Variants in MYO16 observed in about 807,000 individuals in gnomAD.
MYO16 encodes unconventional myosin-XVI.
Under a neutral mutation model 205.3 loss-of-function variants are expected in MYO16, and 94 were observed. The observed-to-expected ratio is 0.46, with a 90% CI of 0.39 to 0.54. The LOEUF (loss-of-function observed/expected upper bound fraction) is 0.54, where lower values mean the gene tolerates loss of function less well. MYO16 is among the 20% of genes least tolerant of loss of function. The pLI, the probability that MYO16 is intolerant of heterozygous loss-of-function variation, is 0.00. For synonymous variants in MYO16, 988 were observed against 954.0 expected, an observed-to-expected ratio of 1.04 and a Z score of -0.66; for missense variants, 2,315 against 2,387.5, an observed-to-expected ratio of 0.97 and a Z score of 0.63.
chr13:109,028,601 T>C (rs61970230), intron 23 of MYO16, among the ~76,000 whole-genome samples: 8,304 of 151,590 alleles, frequency 0.055, 265 homozygotes, highest in Non-Finnish European at 0.064. Context: ...CTCTACAATT[T>C]ATATACATAT....
chr13:108,958,178 ATATAT>A (rs1251542022), intron 17 of MYO16, among the ~76,000 whole-genome samples: 5 of 147,744 alleles, frequency 3.4e-5, no homozygotes, highest in Non-Finnish European at 7.5e-5. Context: ...AATATTTAAA[ATATAT>A]TTTAATCATA....
At chr13:108,866,296 C>A in intron 12 of MYO16, 54 bp downstream of exon 12, 1 of 1,129,892 alleles carries the variant, frequency 8.9e-7, no homozygotes, top group South Asian at 1.9e-5. Context: ...ACTTTCTAGT[C>A]ATACATGTTT....
intron 33 of MYO16, among the ~76,000 whole-genome samples, chr13:109,178,604 CTTTT>C (rs953977525): frequency 4.6e-5 from 7 of 152,130 alleles, no homozygotes; most frequent in African/African-American, 1.7e-4. Context: ...TCTTATTTCT[CTTTT>C]TGTCTATTCA....
At position 108,677,312 on chromosome 13, in the gene MYO16, C is replaced by A. The variant is rs1378004206; in HGVS notation, c.292+11163C>A. 8.1e-5 allele frequency among the ~76,000 whole-genome samples: 11 copies of A among 135,136 alleles called. No individual in the cohort carries two copies. In the Admixed American group the frequency reaches 8.2e-4, roughly 10 times the overall value. 88.7% of individuals were successfully genotyped at this position (135,136 alleles called of 152,430 possible). On this transcript the variant is annotated intron_variant, in intron 2 of 34. Coordinates refer to ENST00000457511, the MANE Select transcript of MYO16 (RefSeq NM_001198950.3). ...AACTAGAACCCATAAGGTGCACATG[C>A]ATGTGTGTGTGTGTGTGTGTGTGTA...
At chr13:108,502,267 G>GA in the MYO16 span, among the ~76,000 whole-genome samples, 17 of 151,938 alleles carry the variant, frequency 1.1e-4, no homozygotes, top group Non-Finnish European at 2.2e-4. Flanking sequence ...TGAATTTTAA[G>GA]AAAAAAATGA....
chr13:108,744,747 C>T (rs1181935943), intron 4 of MYO16, among the ~76,000 whole-genome samples: 1 of 152,186 alleles, frequency 6.6e-6, no homozygotes, highest in African/African-American at 2.4e-5. Context: ...GCAAATGTCC[C>T]ATTTTTTACC....
chr13:108,900,571 G>A (rs1880658700), intron 15 of MYO16, among the ~76,000 whole-genome samples: 1 of 152,176 alleles, frequency 6.6e-6, no homozygotes. Flanking sequence ...AACATAAATT[G>A]TGAAGATTTC....
the MYO16 span, among the ~76,000 whole-genome samples, chr13:108,535,651 C>T: frequency 2.6e-5 from 4 of 152,086 alleles, no homozygotes; most frequent in Non-Finnish European, 4.4e-5. Context: ...CCTTGAGCCC[C>T]GTAGAATGGA....
chr13:109,026,698 T>C (rs1007541922), intron 23 of MYO16, among the ~76,000 whole-genome samples: 3 of 152,200 alleles, frequency 2.0e-5, no homozygotes. Context: ...ACCCAGGTTT[T>C]TGCACGTGGT....
At chr13:108,932,471 A>G (rs1354655585) in intron 16 of MYO16, among the ~76,000 whole-genome samples, 1 of 152,212 alleles carries the variant, frequency 6.6e-6, no homozygotes, top group Non-Finnish European at 1.5e-5. Flanking sequence ...GCATTGGTCA[A>G]GGCCTCCGGA....
the MYO16 span, among the ~76,000 whole-genome samples, chr13:108,496,576 C>G: frequency 1.3e-5 from 2 of 152,190 alleles, no homozygotes; most frequent in African/African-American, 2.4e-5. Context: ...CGCATCGCCC[C>G]GTCTTCCCTG....
chr13:108,668,845 C>T (rs182981943), intron 2 of MYO16, among the ~76,000 whole-genome samples: 189 of 152,144 alleles, frequency 1.2e-3, no homozygotes, highest in African/African-American at 4.3e-3. Flanking sequence ...CTTGCATAGC[C>T]GCAGATGTAA....
intron 20 of MYO16, among the ~76,000 whole-genome samples, chr13:108,971,428 T>G (rs188091439): frequency 5.3e-5 from 8 of 150,662 alleles, no homozygotes; most frequent in Non-Finnish European, 8.9e-5. Flanking sequence ...TCTATCTATC[T>G]ATCAGTCATC....
chr13:108,663,323 T>G (rs562042661), intron 1 of MYO16, among the ~76,000 whole-genome samples: 415 of 152,052 alleles, frequency 2.7e-3, no homozygotes, highest in Non-Finnish European at 4.8e-3. Context: ...ATTTTTTTTT[T>G]GAGATCAACT....
At chr13:108,766,449 A>G (rs1885779468) in intron 4 of MYO16, among the ~76,000 whole-genome samples, 1 of 152,166 alleles carries the variant, frequency 6.6e-6, no homozygotes, top group African/African-American at 2.4e-5. Context: ...GAGCTTTGGG[A>G]AAAGAGATAG....
chr13:108,730,745 A>G (rs1884494272), intron 4 of MYO16, among the ~76,000 whole-genome samples: 3 of 152,190 alleles, frequency 2.0e-5, no homozygotes, highest in Admixed American at 1.3e-4. Flanking sequence ...GTTTAGAAAA[A>G]GGGTAACAAT....
At chr13:109,146,947 GA>G (rs1223248666) in intron 32 of MYO16, among the ~76,000 whole-genome samples, 1 of 151,414 alleles carries the variant, frequency 6.6e-6, no homozygotes. Flanking sequence ...TCTTTAAGAA[GA>G]AAAAAACATT....
intron 34 of MYO16, among the ~76,000 whole-genome samples, chr13:109,189,391 T>C (rs1236692566): frequency 6.6e-6 from 1 of 152,274 alleles, no homozygotes; most frequent in Non-Finnish European, 1.5e-5. Flanking sequence ...ATATTAGTTT[T>C]ATTACGTGTT....
intron 12 of MYO16, among the ~76,000 whole-genome samples, chr13:108,867,268 A>G (rs1252607678): frequency 6.6e-6 from 1 of 152,162 alleles, no homozygotes; most frequent in Non-Finnish European, 1.5e-5. Flanking sequence ...CAGGAGGCTG[A>G]GGCAGGAGGA....
Sources: gnomAD v4.1 joint callset for allele counts (sites outside exome capture counted in the v4.1 genomes callset) on GRCh38, gnomAD v4.1.1 for gene constraint, MANE v1.5 for transcripts, NCBI Gene and HGNC (gene_info 2026-07-23, HGNC 2026-07-21) for gene names.